Variants in C12orf56 observed in about 807,000 individuals in gnomAD.
C12orf56 encodes chromosome 12 open reading frame 56.
Under a neutral mutation model 69.9 loss-of-function variants are expected in C12orf56, and 71 were observed. The observed-to-expected ratio is 1.02, with a 90% confidence interval of 0.84 to 1.24. The LOEUF (loss-of-function observed/expected upper bound fraction) is 1.24. Ranked by LOEUF, C12orf56 falls within the 50% of genes most tolerant of loss-of-function variation. The pLI is 0.00. For missense variants in C12orf56, 732 were observed against 738.5 expected (o/e 0.99, Z 0.10); for synonymous variants, 276 against 274.1 (o/e 1.01, Z -0.07).
chr12:64,368,361 C>G (rs540545090), intron 1 of C12orf56, among the ~76,000 whole-genome samples: 1 of 152,156 alleles, frequency 6.6e-6, no homozygotes, highest in East Asian at 1.9e-4. Flanking sequence ...TGCATTGACC[C>G]ATTCTGCTTG....
At chr12:64,299,709 G>A (rs2038418996) in intron 6 of C12orf56, among the ~76,000 whole-genome samples, 1 of 151,928 alleles carries the variant, frequency 6.6e-6, no homozygotes, top group Non-Finnish European at 1.5e-5. Context: ...GTAAAAGGGA[G>A]GATATCTGTG....
rs1487750623 is a variant in C12orf56 at position 64,390,330 on chromosome 12, A to T, written c.236T>A (p.Val79Asp). 1.2e-6 allele frequency: 2 copies of T among 1,609,476 alleles called. No homozygotes were observed. Among genetic ancestry groups the T allele is most frequent in the Admixed American group, 1.7e-5 (1 of 59,794 alleles). The stretch of plus-strand genomic sequence containing the variant: ...GCCGCTCACCAGGTCAATGGCCACG[A>T]CGTCCCGCAGAGCCACTACCCGCCG... ...SIRRVVALRD[V>D]VAIDLIDDYP... Residue 79 changes from valine (V) to aspartate (D), a missense_variant, in exon 1 of 13, where the codon GTC becomes GAC. By Grantham distance (152) the Val-to-Asp change is radical. Coordinates refer to ENST00000543942, the MANE Select transcript of C12orf56 (RefSeq NM_001170633.2).
intron 1 of C12orf56, among the ~76,000 whole-genome samples, chr12:64,382,407 T>G (rs2039731879): frequency 6.6e-6 from 1 of 152,112 alleles, no homozygotes. Context: ...AGGGACGATA[T>G]CAATCTTACA....
At chr12:64,311,984 G>A (rs1231160351) in intron 5 of C12orf56, among the ~76,000 whole-genome samples, 1 of 152,186 alleles carries the variant, frequency 6.6e-6, no homozygotes, top group African/African-American at 2.4e-5. Context: ...GTTATCCAGA[G>A]ATAGTAAAGG....
chr12:64,274,749 CAATT>C (rs892134372), intron 11 of C12orf56, among the ~76,000 whole-genome samples, 148 bp downstream of exon 11: 6 of 152,134 alleles, frequency 3.9e-5, no homozygotes, highest in African/African-American at 1.4e-4. Flanking sequence ...AACGATTTAT[CAATT>C]AAATAATAAA....
At chr12:64,384,689 A>G (rs2039764011) in intron 1 of C12orf56, among the ~76,000 whole-genome samples, 1 of 152,198 alleles carries the variant, frequency 6.6e-6, no homozygotes, top group Non-Finnish European at 1.5e-5. Context: ...CCCGTAGGTG[A>G]TGAGATGGAT....
chr12:64,356,542 A>G (rs531881986), intron 1 of C12orf56, among the ~76,000 whole-genome samples: 168 of 152,250 alleles, frequency 1.1e-3, no homozygotes, highest in African/African-American at 3.6e-3. Flanking sequence ...GCTAATTCCA[A>G]TTGGCTAATT....
chr12:64,389,614 A>C (rs1338957551), intron 1 of C12orf56, among the ~76,000 whole-genome samples: 1 of 152,118 alleles, frequency 6.6e-6, no homozygotes, highest in African/African-American at 2.4e-5. Flanking sequence ...CTTGTGCCTC[A>C]GCCTCCCAAG....
At chr12:64,348,999 T>A (rs893536680) in intron 2 of C12orf56, among the ~76,000 whole-genome samples, 75 of 152,150 alleles carry the variant, frequency 4.9e-4, no homozygotes, top group Admixed American at 1.3e-4. Context: ...AGTAATTATT[T>A]TTTTCTTTTT....
intron 1 of C12orf56, among the ~76,000 whole-genome samples, chr12:64,386,883 A>G (rs576941015): frequency 2.4e-4 from 36 of 150,160 alleles, no homozygotes; most frequent in African/African-American, 8.8e-4. Context: ...GTTTGAGACC[A>G]GCCTGACCAA....
intron 1 of C12orf56, among the ~76,000 whole-genome samples, chr12:64,380,240 C>G (rs1333821985): frequency 2.6e-5 from 4 of 151,512 alleles, no homozygotes; most frequent in African/African-American, 7.3e-5. Flanking sequence ...ATCATGAGAC[C>G]TATAAGATTT....
At chr12:64,384,584 G>A (rs2135988744) in intron 1 of C12orf56, among the ~76,000 whole-genome samples, 1 of 152,254 alleles carries the variant, frequency 6.6e-6, no homozygotes, top group Admixed American at 6.5e-5. Flanking sequence ...AGGCCTCATG[G>A]AGCCCAGGAT....
chr12:64,328,046 A>G (rs1472974626), intron 3 of C12orf56, among the ~76,000 whole-genome samples: 2 of 152,000 alleles, frequency 1.3e-5, no homozygotes, highest in South Asian at 2.1e-4. Flanking sequence ...ATAATAATGA[A>G]ATTTAGGTTT....
At chr12:64,363,907 A>G (rs754915022) in intron 1 of C12orf56, among the ~76,000 whole-genome samples, 31 of 152,168 alleles carry the variant, frequency 2.0e-4, no homozygotes, top group Non-Finnish European at 3.7e-4. Flanking sequence ...AAAGTGTAAC[A>G]TGATGATTTC....
chr12:64,335,222 G>A (rs927669673), intron 2 of C12orf56, among the ~76,000 whole-genome samples: 3 of 152,048 alleles, frequency 2.0e-5, no homozygotes, highest in Non-Finnish European at 4.4e-5. Context: ...TTCGTGACCA[G>A]CCTGGCCAAC....
In C12orf56 at chr12:64,266,598, G is replaced by A. The variant is rs979165655; in HGVS notation, c.*585C>T. 7 of 440,662 alleles carry A rather than the reference G, an allele frequency of 1.6e-5. No individual in the cohort carries two copies. The highest frequency in any genetic ancestry group is 2.1e-5 in the African/African-American group (1 of 48,370). 27.3% of individuals were successfully genotyped at this position (440,662 alleles called of 1,614,324 possible). A position where few individuals can be genotyped will look rare whatever the true frequency, so the allele number is the denominator to read the frequency against. On this transcript the variant is annotated 3_prime_UTR_variant, in exon 13 of 13. Coordinates refer to ENST00000543942, the MANE Select transcript of C12orf56 (RefSeq NM_001170633.2). ...CATAGTGGACTCCAAGAACCTAGTC[G>A]AAATAATGGTTTTTGGATGGCTCTG...
Position 64,284,768 on chromosome 12 carries a change from A to G in C12orf56, c.1221-15T>C. The stretch of plus-strand genomic sequence containing the variant: ...CAATGCATGCCCTAGAAAATAAACG[A>G]TAAAAGGCAAAGAAATGGCATGATT... On this transcript the variant is annotated splice_polypyrimidine_tract_variant and intron_variant, in intron 7 of 12. Coordinates refer to ENST00000543942, the MANE Select transcript of C12orf56 (RefSeq NM_001170633.2). The G allele has an allele frequency of 1.9e-6, 3 of 1,548,940 alleles. No homozygotes were observed. Among genetic ancestry groups the G allele is most frequent in the Non-Finnish European group, 2.6e-6 (3 of 1,145,840 alleles).
chr12:64,338,379 G>A lies in C12orf56; in HGVS notation c.416-7347C>T, dbSNP rs115850872. 3,725 of 679,686 alleles carry A rather than the reference G, an allele frequency of 5.5e-3. 94 individuals are homozygous for A. The African/African-American group carries it at 0.059, about 11-fold the overall frequency. 42.1% of individuals were successfully genotyped at this position (679,686 alleles called of 1,614,324 possible). ...TTGAGATATATAATGGGGACCTCCT[G>A]GTCAATTTGGACATCAACATCGTTT... On this transcript the variant is annotated intron_variant, in intron 2 of 12. Coordinates refer to ENST00000543942, the MANE Select transcript of C12orf56 (RefSeq NM_001170633.2).
At chr12:64,360,976 T>C (rs2039392397) in intron 1 of C12orf56, among the ~76,000 whole-genome samples, 1 of 152,090 alleles carries the variant, frequency 6.6e-6, no homozygotes, top group South Asian at 2.1e-4. Context: ...TCCCAGAACT[T>C]TGGGAGGCCG....
Sources: gnomAD v4.1 joint callset for allele counts (sites outside exome capture counted in the v4.1 genomes callset) on GRCh38, gnomAD v4.1.1 for gene constraint, MANE v1.5 for transcripts, NCBI Gene and HGNC (gene_info 2026-07-23, HGNC 2026-07-21) for gene names.